The following RYR3 variants were observed in gnomAD, a reference collection of about 807,000 sequenced individuals.
RYR3 encodes brain ryanodine receptor-calcium release channel.
RYR3 carries 207 observed loss-of-function variants against 584.3 expected under a neutral mutation model. The observed-to-expected ratio is 0.35, with a 90% CI of 0.32 to 0.40. The LOEUF is 0.40. Ranked by LOEUF, RYR3 falls within the 10% of genes least tolerant of loss-of-function variation. The pLI is 1.00. For synonymous variants in RYR3, 2,416 were observed against 2,248.5 expected, an observed-to-expected ratio of 1.07 and a Z score of -2.11; for missense variants, 5,616 against 6,089.2, an observed-to-expected ratio of 0.92 and a Z score of 2.59.
intron 67 of RYR3, among the ~76,000 whole-genome samples, chr15:33,790,272 C>T (rs543610625): frequency 6.6e-6 from 1 of 151,024 alleles, no homozygotes; most frequent in African/African-American, 2.4e-5. Context: ...GGATTACAGG[C>T]GTGAGCCACC....
intron 9 of RYR3, among the ~76,000 whole-genome samples, 161 bp from the exon 10 acceptor site, chr15:33,549,999 A>G (rs2056555067): frequency 6.6e-6 from 1 of 152,244 alleles, no homozygotes; most frequent in Admixed American, 6.5e-5. Flanking sequence ...GTAGGCAGAC[A>G]TGAAATCCTA....
chr15:33,416,036 T>G (rs1036369661), intron 1 of RYR3, among the ~76,000 whole-genome samples: 2 of 152,252 alleles, frequency 1.3e-5, no homozygotes, highest in Non-Finnish European at 2.9e-5. Flanking sequence ...CATGATTTCA[T>G]TCTTTTTTAT....
chr15:33,858,628 T>G (rs1450911299), intron 99 of RYR3: 1 of 48,056 alleles, frequency 2.1e-5, no homozygotes, highest in Non-Finnish European at 8.8e-5. Context: ...TTGATTTATT[T>G]CAGCAAGCCA....
chr15:33,851,440 GGTTAAGCATCTT>G (rs1480708431), intron 94 of RYR3: 1 of 151,886 alleles, frequency 6.6e-6, no homozygotes, highest in Non-Finnish European at 1.5e-5. Flanking sequence ...TTACTAAATG[GGTTAAGCATCTT>G]GTACTTTTTC....
At chr15:33,836,028 A>G (rs969896408) in intron 87 of RYR3, among the ~76,000 whole-genome samples, 5 of 151,976 alleles carry the variant, frequency 3.3e-5, no homozygotes, top group Admixed American at 6.6e-5. Flanking sequence ...GATATTTTGT[A>G]TATAGCTGTG....
chr15:33,509,534 C>G lies in RYR3; in HGVS notation c.279+5796C>G, dbSNP rs2052785194. Among the ~76,000 whole-genome samples the G allele has an allele frequency of 4.6e-5, 7 of 152,308 alleles. No individual in the cohort carries two copies. The South Asian group carries it at 1.4e-3, about 32-fold the overall frequency. Reference sequence around the variant, plus strand: ...ATTCTAAACCTCATCCCCATTTTTACATGTTTTAATATTACATTTTTAAAA... The same window carrying G: ...ATTCTAAACCTCATCCCCATTTTTAGATGTTTTAATATTACATTTTTAAAA... On this transcript the variant is annotated intron_variant, in intron 3 of 103. Coordinates refer to ENST00000634891, the MANE Select transcript of RYR3 (RefSeq NM_001036.6).
intron 1 of RYR3, among the ~76,000 whole-genome samples, chr15:33,389,000 C>T (rs1481298646): frequency 6.9e-6 from 1 of 145,522 alleles, no homozygotes; most frequent in Non-Finnish European, 1.5e-5. Context: ...GGACAAAAAA[C>T]CAAACACCGC....
chr15:33,604,683 CCCAACTTAACCTT>C (rs1237422121), intron 18 of RYR3, among the ~76,000 whole-genome samples: 1 of 152,156 alleles, frequency 6.6e-6, no homozygotes, highest in African/African-American at 2.4e-5. Context: ...CTCTCATCCT[CCCAACTTAACCTT>C]CCCTAATTCT....
At chr15:33,718,626 A>G (rs370509058) in intron 43 of RYR3, among the ~76,000 whole-genome samples, 3 of 152,336 alleles carry the variant, frequency 2.0e-5, no homozygotes, top group East Asian at 1.9e-4. Flanking sequence ...GTTCCAGACA[A>G]TGGAACTTTA....
rs115617984 is a variant in RYR3 at position 33,418,408 on chromosome 15, G to C, written c.52-55011G>C. ...TGGTCTTGAACTGGACTTTAAACGA[G>C]AGTAGAAATAGACCAGGTAGAGAAA... On this transcript the variant is annotated intron_variant, in intron 1 of 103. Transcript: ENST00000634891. 7.0e-3 allele frequency among the ~76,000 whole-genome samples: 1,063 copies of C among 151,762 alleles called. 17 individuals carry two copies. Among genetic ancestry groups the C allele is most frequent in the African/African-American group, 0.024 (975 of 41,344 alleles).
At chr15:33,703,183 C>G (rs1054565306) in intron 42 of RYR3, among the ~76,000 whole-genome samples, 4 of 152,172 alleles carry the variant, frequency 2.6e-5, no homozygotes, top group African/African-American at 9.7e-5. Flanking sequence ...TTAGTAAATT[C>G]TATTTCAAAT....
At chr15:33,703,504 C>A (rs940084484) in intron 42 of RYR3, among the ~76,000 whole-genome samples, 45 of 152,154 alleles carry the variant, frequency 3.0e-4, no homozygotes, top group Non-Finnish European at 3.7e-4. Flanking sequence ...TTTGTGTGCA[C>A]GTATCCTTGC....
At chr15:33,492,526 G>T (rs1012276117) in intron 2 of RYR3, among the ~76,000 whole-genome samples, 1 of 151,548 alleles carries the variant, frequency 6.6e-6, no homozygotes, top group Non-Finnish European at 1.5e-5. Context: ...TTGGAATTTG[G>T]ATTCAGTTTG....
At chr15:33,864,068 C>G in intron 102 of RYR3, 70 bp from the exon 103 acceptor site, 2 of 1,174,180 alleles carry the variant, frequency 1.7e-6, no homozygotes, top group South Asian at 1.3e-5. Context: ...GAGCCCTGAT[C>G]ACAGTTAATC....
Position 33,853,069 on chromosome 15 carries a change from C to T in RYR3, c.13653C>T (p.Asp4551=). 1 of 1,603,592 alleles carries T rather than the reference C, an allele frequency of 6.2e-7. No homozygotes were observed. The highest frequency in any genetic ancestry group is 8.5e-7 in the Non-Finnish European group (1 of 1,176,222). The change falls in exon 95 of 104, where the codon GAC becomes GAT. Residue 4551 remains aspartate (D), a synonymous_variant. Coordinates refer to ENST00000634891, the MANE Select transcript of RYR3 (RefSeq NM_001036.6). ...NTPSFPNNYW[D]KFVKRKVINK... is the part of the protein sequence containing the mutation. ...GATCTTTTCCTAATAACTACTGGGA[C>T]AAGTTTGTAAAGAGAAAGGTATGCC... is the stretch of plus-strand genomic sequence containing the variant.
At chr15:33,539,239 C>T in intron 5 of RYR3, 111 bp from the exon 6 acceptor site, 1 of 672,736 alleles carries the variant, frequency 1.5e-6, no homozygotes, top group Non-Finnish European at 2.7e-6. Context: ...CTGGAATGTG[C>T]ACTTGTTGTG....
chr15:33,364,481 T>C (rs1975203293), intron 1 of RYR3, among the ~76,000 whole-genome samples: 1 of 152,210 alleles, frequency 6.6e-6, no homozygotes, highest in South Asian at 2.1e-4. Context: ...TTTATCCAGA[T>C]CATGGTATTT....
At chr15:33,620,045 C>T (rs1276341455) in intron 19 of RYR3, among the ~76,000 whole-genome samples, 2 of 152,146 alleles carry the variant, frequency 1.3e-5, no homozygotes, top group Non-Finnish European at 2.9e-5. Context: ...TCCCACATCC[C>T]CCAGCCCCTG....
intron 1 of RYR3, among the ~76,000 whole-genome samples, chr15:33,379,023 T>C (rs1452175457): frequency 6.6e-6 from 1 of 152,186 alleles, no homozygotes; most frequent in African/African-American, 2.4e-5. Flanking sequence ...CTTATCTATG[T>C]TACCACAAAG....
Sources: gnomAD v4.1 joint callset for allele counts (sites outside exome capture counted in the v4.1 genomes callset) on GRCh38, gnomAD v4.1.1 for gene constraint, MANE v1.5 for transcripts, NCBI Gene and HGNC (gene_info 2026-07-23, HGNC 2026-07-21) for gene names.